DCAF6: variants seen among roughly 807,000 people sequenced by gnomAD.
DCAF6 encodes DDB1 and CUL4 associated factor 6.
DCAF6 carries 54 observed loss-of-function variants against 125.1 expected under a neutral mutation model. The ratio of observed to expected loss-of-function variants is 0.43; its 90% CI spans 0.35 to 0.54. DCAF6 has a LOEUF of 0.54. Among genes scored for constraint, DCAF6 ranks in the 20% least tolerant of loss-of-function variants. The pLI, the probability that DCAF6 is intolerant of heterozygous loss-of-function variation, is 0.01. For synonymous variants in DCAF6, 371 were observed against 390.4 expected (o/e 0.95, Z 0.58); for missense variants, 934 against 1,161.7 (o/e 0.80, Z 2.85).
the DCAF6 span, among the ~76,000 whole-genome samples, chr1:167,929,368 A>C: frequency 6.7e-6 from 1 of 148,668 alleles, no homozygotes; most frequent in African/African-American, 2.5e-5. Context: ...TCGAAAAAAG[A>C]AAAAAAAAAG....
At chr1:167,909,124 T>G in the DCAF6 span, among the ~76,000 whole-genome samples, 2 of 152,312 alleles carry the variant, frequency 1.3e-5, no homozygotes, top group East Asian at 3.9e-4. Context: ...ATAGATCACC[T>G]TTGCCAGTTT....
At chr1:167,905,649 T>C in the DCAF6 span, among the ~76,000 whole-genome samples, 77 of 151,646 alleles carry the variant, frequency 5.1e-4, no homozygotes, top group African/African-American at 1.8e-3. Context: ...TGTATTTATA[T>C]GTAAGTGAGT....
At chr1:167,870,910 G>T in the DCAF6 span, among the ~76,000 whole-genome samples, 3 of 151,794 alleles carry the variant, frequency 2.0e-5, no homozygotes, top group Non-Finnish European at 2.9e-5. Flanking sequence ...GAGCTTTTTA[G>T]CTAACCATGT....
intron 2 of DCAF6, among the ~76,000 whole-genome samples, chr1:167,966,135 A>T (rs1676381491): frequency 2.0e-5 from 3 of 151,748 alleles, no homozygotes; most frequent in Non-Finnish European, 1.5e-5. Flanking sequence ...CTGTGTCCTT[A>T]CCTCTCTGAA....
intron 17 of DCAF6, among the ~76,000 whole-genome samples, chr1:168,057,213 G>C (rs1228636142): frequency 6.6e-6 from 1 of 152,118 alleles, no homozygotes; most frequent in Non-Finnish European, 1.5e-5. Context: ...TTACCATCTT[G>C]AAAATGGTAT....
At chr1:168,017,343 T>A (rs1685118155) in intron 11 of DCAF6, among the ~76,000 whole-genome samples, 1 of 152,034 alleles carries the variant, frequency 6.6e-6, no homozygotes, top group African/African-American at 2.4e-5. Flanking sequence ...TAATTATTTT[T>A]AAAATACTAA....
At chr1:167,904,750 A>G in the DCAF6 span, 15 of 616,922 alleles carry the variant, frequency 2.4e-5, no homozygotes, top group East Asian at 4.1e-4. Flanking sequence ...ATACTGGAGC[A>G]AAGAATGGGA....
chr1:168,043,160 T>C lies in DCAF6; in HGVS notation c.1843+20T>C. ...AAACAAGTAAGGTGTTATTTTGCTT[T>C]TGTTGTTATAAAATTGCAGCATTGG... On this transcript the variant is annotated intron_variant, in intron 14 of 21. Transcript: ENST00000367840. The C allele has an allele frequency of 6.3e-7, 1 of 1,574,938 alleles. No individual in the cohort carries two copies. Among genetic ancestry groups the C allele is most frequent in the Non-Finnish European group, 8.7e-7 (1 of 1,146,736 alleles).
At chr1:167,899,325 A>C in the DCAF6 span, 4 of 1,221,954 alleles carry the variant, frequency 3.3e-6, no homozygotes, top group Non-Finnish European at 4.8e-6. Flanking sequence ...TCTCCAGCCC[A>C]GGAGCTTTAT....
chr1:168,003,846 C>T, intron 8 of DCAF6, 24 bp from the exon 9 acceptor site: 1 of 1,574,134 alleles, frequency 6.4e-7, no homozygotes, highest in Non-Finnish European at 8.6e-7. Context: ...ACTAAACTCA[C>T]TGATAAGACC....
intron 12 of DCAF6, among the ~76,000 whole-genome samples, chr1:168,025,565 T>G (rs1301070934): frequency 6.6e-6 from 1 of 152,160 alleles, no homozygotes; most frequent in East Asian, 1.9e-4. Flanking sequence ...ATCCTGAGTT[T>G]TTACATACCT....
Position 167,936,927 on chromosome 1 carries a change from T to G in DCAF6, c.16T>G (p.Ser6Ala). The G allele has an allele frequency of 6.2e-7, 1 of 1,606,846 alleles. No individual in the cohort carries two copies. MSRGG[S>A]YPHLLWDVRK... ...AGGCAGAGCCATGTCTCGGGGTGGC[T>G]CCTACCCACACCTGTTGTGGGACGT... Residue 6 changes from serine to alanine, a missense_variant, in exon 1 of 22, where the codon TCC becomes GCC. Physicochemically the swap from Ser to Ala is moderately conservative, Grantham distance 99. Coordinates refer to ENST00000367840, the MANE Select transcript of DCAF6 (RefSeq NM_001198956.2).
At chr1:167,940,474 T>G (rs1437105682) in intron 1 of DCAF6, among the ~76,000 whole-genome samples, 1 of 151,580 alleles carries the variant, frequency 6.6e-6, no homozygotes, top group African/African-American at 2.4e-5. Context: ...CGTCCTGGGC[T>G]CAAGGCCATC....
At chr1:167,935,024 G>A (rs950482590), upstream of DCAF6, among the ~76,000 whole-genome samples, 5 of 152,000 alleles carry the variant, frequency 3.3e-5, no homozygotes, top group African/African-American at 4.8e-5. Flanking sequence ...AAGCACATAT[G>A]TTATCTGTCA....
chr1:168,048,076 C>G (rs1368928441), intron 16 of DCAF6, among the ~76,000 whole-genome samples: 1 of 152,134 alleles, frequency 6.6e-6, no homozygotes, highest in Non-Finnish European at 1.5e-5. Context: ...TGAAAAGAAT[C>G]ACTTACCAGC....
At chr1:168,064,967 C>T (rs1692141174) in intron 18 of DCAF6, among the ~76,000 whole-genome samples, 1 of 152,068 alleles carries the variant, frequency 6.6e-6, no homozygotes, top group Admixed American at 6.6e-5. Flanking sequence ...AGCTAATGAT[C>T]TTCTTTCTAT....
intron 2 of DCAF6, among the ~76,000 whole-genome samples, chr1:167,958,884 A>G (rs1675165165): frequency 6.6e-6 from 1 of 152,220 alleles, no homozygotes; most frequent in Non-Finnish European, 1.5e-5. Context: ...TTAATACATC[A>G]TAATCCATCC....
chr1:168,051,299 T>C (rs1039036056), intron 17 of DCAF6, among the ~76,000 whole-genome samples: 1 of 152,258 alleles, frequency 6.6e-6, no homozygotes, highest in African/African-American at 2.4e-5. Context: ...TACCAACTTT[T>C]TGTTATTCGT....
intron 21 of DCAF6, among the ~76,000 whole-genome samples, chr1:168,074,600 T>C (rs1193774404): frequency 6.6e-6 from 1 of 152,182 alleles, no homozygotes; most frequent in Non-Finnish European, 1.5e-5. Flanking sequence ...TGCAAACGAC[T>C]ATTACTGTAA....
Sources: allele counts gnomAD v4.1 joint callset (sites outside exome capture counted in the v4.1 genomes callset), GRCh38; gene constraint gnomAD v4.1.1; transcripts MANE v1.5; gene names NCBI Gene and HGNC (gene_info 2026-07-23, HGNC 2026-07-21).